The following CERT1 variants were observed in gnomAD, a reference collection of about 807,000 sequenced individuals.
The protein encoded by CERT1 is ceramide transporter 1.
A neutral mutation model predicts 87.9 loss-of-function variants in CERT1; 31 were observed. The observed-to-expected ratio is 0.35, with a 90% CI of 0.27 to 0.48. The LOEUF (loss-of-function observed/expected upper bound fraction) is 0.48. Ranked by LOEUF, CERT1 falls within the 20% of genes least tolerant of loss-of-function variation. CERT1 has a pLI of 0.99. For missense variants in CERT1, 487 were observed against 758.0 expected (o/e 0.64, Z 4.20); for synonymous variants, 289 against 250.9 (o/e 1.15, Z -1.44).
intron 12 of CERT1, among the ~76,000 whole-genome samples, chr5:75,387,254 T>G (rs1761828499): frequency 6.6e-6 from 1 of 152,194 alleles, no homozygotes; most frequent in South Asian, 2.1e-4. Context: ...AGTTCCTAGA[T>G]GTGGTGCCAA....
intron 2 of CERT1, among the ~76,000 whole-genome samples, chr5:75,475,111 GC>G (rs1303085234): frequency 2.6e-5 from 4 of 152,086 alleles, no homozygotes; most frequent in African/African-American, 9.7e-5. Flanking sequence ...TCTTGTCAGT[GC>G]CCCAGACATA....
At chr5:75,494,486 T>G (rs1766963703) in intron 2 of CERT1, among the ~76,000 whole-genome samples, 1 of 151,360 alleles carries the variant, frequency 6.6e-6, no homozygotes, top group African/African-American at 2.4e-5. Flanking sequence ...TTGTATCTGG[T>G]GACTACTCCT....
At chr5:75,391,503 G>C (rs1382963056) in intron 11 of CERT1, among the ~76,000 whole-genome samples, 2 of 152,130 alleles carry the variant, frequency 1.3e-5, no homozygotes, top group Non-Finnish European at 2.9e-5. Context: ...TTACTGATTT[G>C]ACAGAAATTT....
chr5:75,386,960 C>G lies in CERT1; in HGVS notation c.1285-926G>C, dbSNP rs891499832. ...TCGGCTCACTGCAACCTCCGCCTCC[C>G]AGGTTCAAGCGATTCTCCTGTCTCG... On this transcript the variant is annotated intron_variant, in intron 12 of 16. Transcript: ENST00000643780. Among the ~76,000 whole-genome samples the G allele has an allele frequency of 3.9e-5, 6 of 152,262 alleles. No individual in the cohort carries two copies. In the East Asian group the frequency reaches 9.7e-4, roughly 25 times the overall value.
At chr5:75,445,099 G>C (rs187192855) in intron 3 of CERT1, among the ~76,000 whole-genome samples, 1 of 152,170 alleles carries the variant, frequency 6.6e-6, no homozygotes, top group Admixed American at 6.5e-5. Context: ...AAAAAAATAA[G>C]CAAATATTCT....
intron 2 of CERT1, among the ~76,000 whole-genome samples, chr5:75,502,607 T>G (rs1213912672): frequency 6.6e-6 from 1 of 152,088 alleles, no homozygotes; most frequent in Non-Finnish European, 1.5e-5. Context: ...TTATGAAAGA[T>G]ATAAACAAAT....
intron 2 of CERT1, among the ~76,000 whole-genome samples, chr5:75,475,270 G>C (rs1021931294): frequency 6.6e-6 from 1 of 152,080 alleles, no homozygotes; most frequent in African/African-American, 2.4e-5. Flanking sequence ...TGTGCTCCTT[G>C]TAAGAATCCT....
chr5:75,455,018 G>C (rs1265600865), intron 3 of CERT1, among the ~76,000 whole-genome samples: 1 of 152,160 alleles, frequency 6.6e-6, no homozygotes, highest in Non-Finnish European at 1.5e-5. Context: ...AAAAGGTCAT[G>C]GTCACTGTTT....
Position 75,420,229 on chromosome 5 carries a change from C to T in CERT1, c.596-805G>A, listed in dbSNP as rs532183095. Reference sequence around the variant, plus strand: ...TCCTGGCCTCATGATCCGCCCACCTCGGCCTCCCAATGTGCTGGGATTACA... The same window carrying T: ...TCCTGGCCTCATGATCCGCCCACCTTGGCCTCCCAATGTGCTGGGATTACA... On this transcript the variant is annotated intron_variant, in intron 5 of 16. Transcript: ENST00000643780. Among the ~76,000 whole-genome samples, 13 of 152,072 alleles carry T rather than the reference C, an allele frequency of 8.5e-5. No individual in the cohort carries two copies. In the South Asian group the frequency reaches 1.2e-3, roughly 15 times the overall value.
chr5:75,461,183 T>C (rs1386227359), intron 2 of CERT1, among the ~76,000 whole-genome samples: 1 of 152,170 alleles, frequency 6.6e-6, no homozygotes, highest in Non-Finnish European at 1.5e-5. Context: ...CATGGGCTGT[T>C]AGTAACTGGG....
intron 9 of CERT1, 88 bp downstream of exon 9, chr5:75,402,884 A>G (rs1294292941): frequency 1.3e-6 from 1 of 766,406 alleles, no homozygotes; most frequent in African/African-American, 1.7e-5. Context: ...ACAATGTTCA[A>G]ATTCTATTTA....
intron 2 of CERT1, among the ~76,000 whole-genome samples, chr5:75,489,179 A>T (rs191110001): frequency 1.3e-5 from 2 of 152,324 alleles, no homozygotes; most frequent in African/African-American, 4.8e-5. Flanking sequence ...GGTGTTGGGA[A>T]AACTGGCTAG....
intron 2 of CERT1, among the ~76,000 whole-genome samples, chr5:75,467,855 T>C (rs893664213): frequency 6.6e-6 from 1 of 152,184 alleles, no homozygotes; most frequent in Admixed American, 6.5e-5. Context: ...TATTTTACTA[T>C]AGCTATGTAA....
At chr5:75,499,779 T>G (rs1458635025) in intron 2 of CERT1, among the ~76,000 whole-genome samples, 1 of 152,192 alleles carries the variant, frequency 6.6e-6, no homozygotes, top group Admixed American at 6.5e-5. Context: ...TATACAATTT[T>G]CTTAAGCCCA....
chr5:75,495,549 C>A (rs1000196527), intron 2 of CERT1, among the ~76,000 whole-genome samples: 1 of 151,804 alleles, frequency 6.6e-6, no homozygotes, highest in Admixed American at 6.6e-5. Context: ...CAGACTGAGA[C>A]CCTATCTCAC....
chr5:75,503,457 C>T (rs1268346291), intron 2 of CERT1, among the ~76,000 whole-genome samples: 1 of 151,934 alleles, frequency 6.6e-6, no homozygotes, highest in African/African-American at 2.4e-5. Flanking sequence ...AACTAAAGTA[C>T]ATACTCTAAT....
At chr5:75,421,943 T>C (rs1346947371) in intron 5 of CERT1, among the ~76,000 whole-genome samples, 2 of 152,206 alleles carry the variant, frequency 1.3e-5, no homozygotes, top group African/African-American at 4.8e-5. Flanking sequence ...AAGCCTTCTG[T>C]ACAATATTTG....
At chr5:75,480,042 C>G (rs551284034) in intron 2 of CERT1, among the ~76,000 whole-genome samples, 7 of 152,162 alleles carry the variant, frequency 4.6e-5, no homozygotes, top group African/African-American at 1.7e-4. Flanking sequence ...ATTCCATGGA[C>G]CTTACCTTCT....
At chr5:75,476,297 A>G (rs1765949460) in intron 2 of CERT1, among the ~76,000 whole-genome samples, 1 of 152,194 alleles carries the variant, frequency 6.6e-6, no homozygotes, top group African/African-American at 2.4e-5. Flanking sequence ...CAACTCTGTT[A>G]AGATATAAGA....
Sources: allele counts gnomAD v4.1 joint callset (sites outside exome capture counted in the v4.1 genomes callset), GRCh38; gene constraint gnomAD v4.1.1; transcripts MANE v1.5; gene names NCBI Gene and HGNC (gene_info 2026-07-23, HGNC 2026-07-21).